Variants in DDX60 observed in about 807,000 individuals in gnomAD.
The protein encoded by DDX60 is probable ATP-dependent RNA helicase DDX60.
Under a neutral mutation model 212.8 loss-of-function variants are expected in DDX60, and 165 were observed. That is an observed-to-expected ratio of 0.78 (90% CI 0.68 to 0.88). DDX60 has a LOEUF of 0.88. Ranked by LOEUF, DDX60 falls within the 40% of genes least tolerant of loss-of-function variation. The pLI is 0.00. For synonymous variants in DDX60, 703 were observed against 685.3 expected, an observed-to-expected ratio of 1.03 and a Z score of -0.40; for missense variants, 1,905 against 2,003.9, an observed-to-expected ratio of 0.95 and a Z score of 0.94.
At chr4:168,269,894 A>C (rs1201961824) in intron 19 of DDX60, among the ~76,000 whole-genome samples, 1 of 152,118 alleles carries the variant, frequency 6.6e-6, no homozygotes, top group Non-Finnish European at 1.5e-5. Context: ...TCTATTATTC[A>C]AATGGTAGAG....
chr4:168,218,821 T>A (rs2149488783), intron 37 of DDX60, among the ~76,000 whole-genome samples: 1 of 152,256 alleles, frequency 6.6e-6, no homozygotes, highest in Non-Finnish European at 1.5e-5. Flanking sequence ...CCCCATAATT[T>A]AAGGCTTAGT....
At chr4:168,255,202 C>T (rs994888788) in intron 26 of DDX60, among the ~76,000 whole-genome samples, 2 of 152,138 alleles carry the variant, frequency 1.3e-5, no homozygotes, top group Non-Finnish European at 2.9e-5. Flanking sequence ...CAGAATTAGA[C>T]ATTGAGAGCA....
intron 25 of DDX60, 109 bp downstream of exon 25, chr4:168,260,756 C>T: frequency 1.0e-6 from 1 of 992,404 alleles, no homozygotes; most frequent in East Asian, 2.4e-5. Flanking sequence ...CCTAACAGAC[C>T]ATGGGCTGGG....
intron 33 of DDX60, among the ~76,000 whole-genome samples, chr4:168,232,147 A>T (rs1410101489): frequency 6.6e-6 from 1 of 152,002 alleles, no homozygotes; most frequent in African/African-American, 2.4e-5. Flanking sequence ...ATACTTAGAA[A>T]TATGCCTAAC....
At chr4:168,246,669 G>T in intron 29 of DDX60, 51 bp from the exon 30 acceptor site, 2 of 1,578,718 alleles carry the variant, frequency 1.3e-6, no homozygotes, top group Non-Finnish European at 1.7e-6. Flanking sequence ...TGCTTCTACT[G>T]CCATAGTGTA....
chr4:168,252,553 G>A lies in DDX60; in HGVS notation c.3661C>T (p.Pro1221Ser). The change falls in exon 27 of 38, where the codon CCA (proline) becomes TCA (serine). Residue 1221 changes from proline (P) to serine (S), a missense_variant. Transcript: ENST00000393743. The stretch of plus-strand genomic sequence containing the variant: ...TGATCAGCATATGTGCAGTCCTGTG[G>A]GATTTCCAGGTTCTTCTCTAGACAC... ...VKCLEKNLEI[P>S]QDCTYADQKA... is the part of the protein sequence containing the mutation. 1.9e-6 allele frequency: 3 copies of A among 1,613,876 alleles called. No individual in the cohort carries two copies. The highest frequency in any genetic ancestry group is 2.5e-6 in the Non-Finnish European group (3 of 1,179,922).
At chr4:168,261,671 G>T (rs887895528) in intron 24 of DDX60, among the ~76,000 whole-genome samples, 2 of 152,162 alleles carry the variant, frequency 1.3e-5, no homozygotes, top group Admixed American at 6.5e-5. Flanking sequence ...AATCTTCTCA[G>T]AGACTGTTAC....
At chr4:168,237,860 T>C in intron 30 of DDX60, 65 bp from the exon 31 acceptor site, 7 of 1,180,094 alleles carry the variant, frequency 5.9e-6, no homozygotes, top group Non-Finnish European at 8.4e-6. Flanking sequence ...TTGAAAATGA[T>C]AATAAATGAT....
rs1330699735 is a variant in DDX60 at position 168,288,263 on chromosome 4, CA to C, written c.1093del (p.Trp365GlyfsTer3). 6.7e-7 allele frequency: 1 copy of C among 1,499,134 alleles called. No individual in the cohort carries two copies. 92.9% of individuals were successfully genotyped at this position (1,499,134 alleles called of 1,614,324 possible). A position where few individuals can be genotyped will look rare whatever the true frequency, so the allele number is the denominator to read the frequency against. On this transcript the variant is annotated frameshift_variant, in exon 9 of 38. Coordinates refer to ENST00000393743, the MANE Select transcript of DDX60 (RefSeq NM_017631.6). LOFTEE classifies it high-confidence loss of function. Reference sequence around the variant, plus strand: ...AGAAAGGTGAATTAAATTCAGATTCCAAAATTCAAAAGTATGTATATTTCTT... The same window carrying C: ...AGAAAGGTGAATTAAATTCAGATTCCAAATTCAAAAGTATGTATATTTCTT... Reference protein sequence around the residue: ...ILRNIHTFEFWNLNLIHLSDL... With the variant: ...ILRNIHTFEFXNLNLIHLSDL...
intron 10 of DDX60, 44 bp from the exon 11 acceptor site, chr4:168,285,542 G>GCTTT: frequency 8.4e-7 from 1 of 1,192,854 alleles, no homozygotes; most frequent in East Asian, 2.4e-5. Flanking sequence ...CAAATGTAAA[G>GCTTT]CTTTCAGACA....
At position 168,252,506 on chromosome 4, in the gene DDX60, G is replaced by A; in HGVS notation, c.3705+3C>T. The A allele has an allele frequency of 1.9e-6, 3 of 1,613,306 alleles. No homozygotes were observed. The highest frequency in any genetic ancestry group is 1.3e-5 in the African/African-American group (1 of 75,012). On this transcript the variant is annotated splice_donor_region_variant and intron_variant, in intron 27 of 37. Transcript: ENST00000393743. ...GGAGAACGATCAGGTTGTAAGTGCT[G>A]ACCTCAGTGTCCACTGCTTTTTGAT...
rs200341792 is a variant in DDX60, at chr4:168,302,275, A to G, written c.723+25T>C. 19 of 1,297,396 alleles carry G rather than the reference A, an allele frequency of 1.5e-5. No homozygotes were observed. In the Admixed American group the frequency reaches 3.8e-4, roughly 26 times the overall value. The allele number at this position is 1,297,396 out of a possible 1,614,324, so 80.4% of individuals were successfully genotyped here. On this transcript the variant is annotated intron_variant, in intron 6 of 37. Coordinates refer to ENST00000393743, the MANE Select transcript of DDX60 (RefSeq NM_017631.6). The stretch of plus-strand genomic sequence containing the variant: ...ATAACTAAAAACTTAGTTCAAATAC[A>G]AAGCTTTTTAAAATGTTTTGTTACC...
intron 1 of DDX60, among the ~76,000 whole-genome samples, chr4:168,312,569 T>C (rs947351188): frequency 6.6e-6 from 1 of 152,098 alleles, no homozygotes; most frequent in Non-Finnish European, 1.5e-5. Flanking sequence ...AAGAGGTAGA[T>C]GAAAATGCAC....
intron 6 of DDX60, among the ~76,000 whole-genome samples, chr4:168,294,865 G>C (rs1736272623): frequency 6.6e-6 from 1 of 151,562 alleles, no homozygotes; most frequent in Non-Finnish European, 1.5e-5. Context: ...TCAATAGTAA[G>C]AAAACAAATA....
intron 13 of DDX60, 134 bp from the exon 14 acceptor site, chr4:168,280,724 CT>C (rs1176636926): frequency 9.7e-7 from 1 of 1,034,548 alleles, no homozygotes; most frequent in Non-Finnish European, 1.3e-6. Context: ...TGAAAAATTT[CT>C]TTTTTTCTTT....
At chr4:168,250,823 C>A in intron 28 of DDX60, 131 bp downstream of exon 28, 4 of 769,442 alleles carry the variant, frequency 5.2e-6, no homozygotes, top group Non-Finnish European at 8.1e-6. Flanking sequence ...TCACGCCCGG[C>A]CAACTTATTT....
intron 25 of DDX60, among the ~76,000 whole-genome samples, chr4:168,258,874 C>G (rs1734517144): frequency 1.3e-5 from 2 of 152,110 alleles, no homozygotes; most frequent in Admixed American, 1.3e-4. Flanking sequence ...ACCCGAAGGA[C>G]AGTAACACTC....
chr4:168,266,582 T>G (rs1174232622), intron 22 of DDX60, among the ~76,000 whole-genome samples: 2 of 152,118 alleles, frequency 1.3e-5, no homozygotes, highest in African/African-American at 4.8e-5. Context: ...ATGAACAGTA[T>G]CTGAATGACT....
chr4:168,226,424 C>T (rs1733257276), intron 33 of DDX60, among the ~76,000 whole-genome samples: 3 of 151,952 alleles, frequency 2.0e-5, no homozygotes, highest in Admixed American at 2.0e-4. Flanking sequence ...GCTCCCTTGC[C>T]CCTTCCACCA....
Sources: gnomAD v4.1 joint callset for allele counts (sites outside exome capture counted in the v4.1 genomes callset) on GRCh38, gnomAD v4.1.1 for gene constraint, MANE v1.5 for transcripts, NCBI Gene and HGNC (gene_info 2026-07-23, HGNC 2026-07-21) for gene names.